The following PLCL1 variants were observed in gnomAD, a reference collection of about 807,000 sequenced individuals.
PLCL1 encodes inactive phospholipase C-like protein 1.
Under a neutral mutation model 84.4 loss-of-function variants are expected in PLCL1, and 41 were observed. That is an observed-to-expected ratio of 0.49 (90% CI 0.38 to 0.63). The LOEUF (loss-of-function observed/expected upper bound fraction) is 0.63, where lower values mean the gene tolerates loss of function less well. Among genes scored for constraint, PLCL1 ranks in the 30% least tolerant of loss-of-function variants. The pLI, the probability that PLCL1 is intolerant of heterozygous loss-of-function variation, is 0.00. For synonymous variants in PLCL1, 490 were observed against 488.3 expected (o/e 1.00, Z -0.05); for missense variants, 1,206 against 1,367.8 (o/e 0.88, Z 1.87).
intron 1 of PLCL1, among the ~76,000 whole-genome samples, chr2:197,938,153 T>TTCTA (rs1398390743): frequency 4.6e-5 from 7 of 152,224 alleles, no homozygotes; most frequent in African/African-American, 1.7e-4. Context: ...TCAATAATTC[T>TTCTA]TCTATCTTCT....
rs1354421036 is a variant in PLCL1 at position 197,923,487 on chromosome 2, G to A, written c.240+118148G>A. ...CTCCTCACCTCCCAGACGGGGTCTC[G>A]GCCGGGCAGAGGCGCTCCTCACATC... On this transcript the variant is annotated intron_variant, in intron 1 of 5. Coordinates refer to ENST00000428675, the MANE Select transcript of PLCL1 (RefSeq NM_006226.4). Among the ~76,000 whole-genome samples the A allele has an allele frequency of 7.3e-3, 1,070 of 146,316 alleles. 11 individuals are homozygous for A. Among genetic ancestry groups the A allele is most frequent in the African/African-American group, 0.026 (1,025 of 39,666 alleles).
chr2:197,854,479 C>G (rs1687295439), intron 1 of PLCL1, among the ~76,000 whole-genome samples: 1 of 151,470 alleles, frequency 6.6e-6, no homozygotes, highest in Non-Finnish European at 1.5e-5. Flanking sequence ...TCTTTAGTTT[C>G]CAGCAAAAAA....
At chr2:197,992,475 G>A (rs1174101595) in intron 1 of PLCL1, among the ~76,000 whole-genome samples, 2 of 151,940 alleles carry the variant, frequency 1.3e-5, no homozygotes, top group African/African-American at 4.8e-5. Flanking sequence ...ATGTTGCCCA[G>A]GCTGGTCTCA....
intron 1 of PLCL1, among the ~76,000 whole-genome samples, chr2:197,840,743 A>G (rs752668195): frequency 1.1e-4 from 16 of 152,302 alleles, no homozygotes; most frequent in South Asian, 6.2e-4. Context: ...GTGTGGCCCA[A>G]TGATCCTCAT....
intron 1 of PLCL1, among the ~76,000 whole-genome samples, chr2:197,830,451 G>C (rs1449616014): frequency 6.6e-6 from 1 of 151,824 alleles, no homozygotes; most frequent in Non-Finnish European, 1.5e-5. Context: ...ACTAAATAAA[G>C]TGTGAAGACA....
intron 1 of PLCL1, among the ~76,000 whole-genome samples, chr2:197,998,455 C>A (rs555777639): frequency 6.6e-6 from 1 of 151,898 alleles, no homozygotes; most frequent in African/African-American, 2.4e-5. Flanking sequence ...CATAGATGTC[C>A]AAGTTGCTGC....
At chr2:198,078,688 C>A (rs73063003) in intron 1 of PLCL1, among the ~76,000 whole-genome samples, 4,598 of 151,930 alleles carry the variant, frequency 0.03, 223 homozygotes, top group African/African-American at 0.1. Context: ...TTTGTTCTAA[C>A]AAAGAATCAT....
intron 1 of PLCL1, among the ~76,000 whole-genome samples, chr2:198,033,237 A>G (rs1691467665): frequency 6.6e-6 from 1 of 152,234 alleles, no homozygotes; most frequent in Non-Finnish European, 1.5e-5. Flanking sequence ...CAAGAGCAGC[A>G]TTAGCACTTT....
intron 1 of PLCL1, among the ~76,000 whole-genome samples, chr2:197,923,248 C>T (rs1489029031): frequency 2.1e-4 from 31 of 145,416 alleles, no homozygotes; most frequent in East Asian, 6.3e-4. Context: ...GCTGGCCGGG[C>T]GGGGGGCTGA....
chr2:198,037,843 A>G (rs1175322284), intron 1 of PLCL1, among the ~76,000 whole-genome samples: 5 of 152,202 alleles, frequency 3.3e-5, no homozygotes, highest in Non-Finnish European at 7.3e-5. Flanking sequence ...GAATTGCTGA[A>G]AGTGTTATTA....
At chr2:197,813,711 G>A (rs952411342) in intron 1 of PLCL1, among the ~76,000 whole-genome samples, 10 of 152,048 alleles carry the variant, frequency 6.6e-5, no homozygotes, top group Non-Finnish European at 1.5e-4. Context: ...ATAACCATAT[G>A]ATATGCATAT....
chr2:197,987,442 A>G (rs1219677491), intron 1 of PLCL1, among the ~76,000 whole-genome samples: 2 of 152,184 alleles, frequency 1.3e-5, no homozygotes, highest in Non-Finnish European at 1.5e-5. Context: ...TCTAGTTTCT[A>G]CAAGTCACTA....
intron 1 of PLCL1, among the ~76,000 whole-genome samples, chr2:197,951,633 T>C (rs1689391423): frequency 6.6e-6 from 1 of 152,164 alleles, no homozygotes; most frequent in Admixed American, 6.6e-5. Flanking sequence ...CACAGGCTAT[T>C]TTAGCATTCT....
In PLCL1 at chr2:198,097,375, CT is replaced by C. The variant is rs368254121; in HGVS notation, c.2920-3902del. Among the ~76,000 whole-genome samples, 59 of 151,834 alleles carry C rather than the reference CT, an allele frequency of 3.9e-4. No homozygotes were observed. In the East Asian group the frequency reaches 9.1e-3, roughly 23 times the overall value. On this transcript the variant is annotated intron_variant, in intron 3 of 5. Transcript: ENST00000428675. ...TCCATAAGCAAGTATTTCAGGTTGG[CT>C]TTTTTTTGTGGAATTTTGTCCATGC... is the stretch of plus-strand genomic sequence containing the variant.
intron 1 of PLCL1, among the ~76,000 whole-genome samples, chr2:197,931,647 TCCAACCAACCAACCAA>T (rs1229606567): frequency 2.7e-5 from 4 of 145,818 alleles, no homozygotes; most frequent in Non-Finnish European, 4.5e-5. Context: ...CCTACAACCA[TCCAACCAACCAACCAA>T]CCAACCAACC....
chr2:197,980,489 C>T (rs1275207398), intron 1 of PLCL1, among the ~76,000 whole-genome samples: 1 of 152,142 alleles, frequency 6.6e-6, no homozygotes, highest in Non-Finnish European at 1.5e-5. Context: ...TAATTCACCT[C>T]GTATCCTCAG....
At chr2:197,943,049 A>T (rs1046860330) in intron 1 of PLCL1, among the ~76,000 whole-genome samples, 5 of 151,968 alleles carry the variant, frequency 3.3e-5, no homozygotes, top group Non-Finnish European at 2.9e-5. Context: ...TGTACAAAAA[A>T]ACAAAAAATT....
At chr2:197,917,969 G>A (rs890993023) in intron 1 of PLCL1, among the ~76,000 whole-genome samples, 2 of 152,118 alleles carry the variant, frequency 1.3e-5, no homozygotes, top group African/African-American at 2.4e-5. Context: ...AAATAGATCC[G>A]TGAGTCCATA....
At chr2:197,978,467 G>A (rs892737281) in intron 1 of PLCL1, among the ~76,000 whole-genome samples, 1 of 152,186 alleles carries the variant, frequency 6.6e-6, no homozygotes, top group African/African-American at 2.4e-5. Context: ...GACAGAGGGA[G>A]ACTCCGTCTC....
Sources: gnomAD v4.1 joint callset for allele counts (sites outside exome capture counted in the v4.1 genomes callset) on GRCh38, gnomAD v4.1.1 for gene constraint, MANE v1.5 for transcripts, NCBI Gene and HGNC (gene_info 2026-07-23, HGNC 2026-07-21) for gene names.